MAPK10: variants seen among roughly 807,000 people sequenced by gnomAD.
MAPK10 encodes the protein mitogen-activated protein kinase 10.
In MAPK10, 25 loss-of-function variants were observed where a neutral mutation model predicts 59.3. The ratio of observed to expected loss-of-function variants is 0.42; its 90% CI spans 0.31 to 0.59. The LOEUF (loss-of-function observed/expected upper bound fraction) is 0.59, where lower values mean the gene tolerates loss of function less well. Among genes scored for constraint, MAPK10 ranks in the 20% least tolerant of loss-of-function variants. The pLI is 0.15. For synonymous variants in MAPK10, 190 were observed against 200.5 expected (o/e 0.95, Z 0.44); for missense variants, 351 against 568.9 (o/e 0.62, Z 3.90).
intron 2 of MAPK10, among the ~76,000 whole-genome samples, chr4:86,333,301 A>C (rs183033293): frequency 2.0e-5 from 3 of 152,230 alleles, no homozygotes; most frequent in Admixed American, 6.5e-5. Context: ...TCCTCTCATA[A>C]AGAACCCCTC....
rs578038505 is a variant in MAPK10 at position 86,117,062 on chromosome 4, C to T, written c.237-9710G>A. ...ATGACCACATTTTTCAAGTATATCC[C>T]ATGACATCATAAAATACATCTTCCA... is the stretch of plus-strand genomic sequence containing the variant. On this transcript the variant is annotated intron_variant, in intron 4 of 13. Coordinates refer to ENST00000641462, the MANE Select transcript of MAPK10 (RefSeq NM_138982.4). Among the ~76,000 whole-genome samples, 39 of 152,268 alleles carry T rather than the reference C, an allele frequency of 2.6e-4. No individual in the cohort carries two copies. In the South Asian group the frequency reaches 8.1e-3, roughly 32 times the overall value.
At chr4:86,217,558 C>G (rs772221751) in intron 2 of MAPK10, among the ~76,000 whole-genome samples, 3 of 152,140 alleles carry the variant, frequency 2.0e-5, no homozygotes, top group Admixed American at 6.5e-5. Context: ...GCAAGAAACC[C>G]TATATACCAT....
chr4:86,214,553 C>T (rs1210600892), intron 2 of MAPK10, among the ~76,000 whole-genome samples: 1 of 90,872 alleles, frequency 1.1e-5, no homozygotes, highest in African/African-American at 3.7e-5. Context: ...AACTGATAAA[C>T]AGATTCAGCA....
chr4:86,328,656 G>C (rs2096079007), intron 2 of MAPK10, among the ~76,000 whole-genome samples: 1 of 152,188 alleles, frequency 6.6e-6, no homozygotes, highest in Non-Finnish European at 1.5e-5. Flanking sequence ...ATACACCGTA[G>C]AATACTATGC....
intron 1 of MAPK10, among the ~76,000 whole-genome samples, chr4:86,365,121 T>C (rs1737628696): frequency 6.6e-6 from 1 of 152,156 alleles, no homozygotes; most frequent in Non-Finnish European, 1.5e-5. Flanking sequence ...CTTACCGTAT[T>C]GTATTTTGTA....
At chr4:86,495,188 G>A (rs1353316202) in intron 1 of MAPK10, among the ~76,000 whole-genome samples, 2 of 152,172 alleles carry the variant, frequency 1.3e-5, no homozygotes, top group East Asian at 1.9e-4. Flanking sequence ...ATAAAACAAT[G>A]ATGTTTAATG....
At chr4:86,323,376 G>A (rs2095945921) in intron 2 of MAPK10, among the ~76,000 whole-genome samples, 1 of 152,140 alleles carries the variant, frequency 6.6e-6, no homozygotes, top group African/African-American at 2.4e-5. Flanking sequence ...GCACAAATCT[G>A]ACATCAATTA....
chr4:86,478,485 A>C (rs919950112), intron 1 of MAPK10, among the ~76,000 whole-genome samples: 5 of 152,174 alleles, frequency 3.3e-5, no homozygotes, highest in Non-Finnish European at 5.9e-5. Flanking sequence ...TTAAAATTAC[A>C]AACTATGCTC....
chr4:86,093,062 A>AT (rs1481528964), intron 9 of MAPK10, among the ~76,000 whole-genome samples: 2 of 152,068 alleles, frequency 1.3e-5, no homozygotes, highest in Non-Finnish European at 2.9e-5. Context: ...CTTATAATAA[A>AT]TTATCTTTCT....
chr4:86,107,423 G>A, intron 4 of MAPK10, 71 bp from the exon 5 acceptor site: 1 of 1,547,720 alleles, frequency 6.5e-7, no homozygotes, highest in Non-Finnish European at 8.7e-7. Context: ...ACTTGATTAA[G>A]GATACTGGTA....
At chr4:86,181,179 A>C in intron 3 of MAPK10, among the ~76,000 whole-genome samples, 1 of 152,236 alleles carries the variant, frequency 6.6e-6, no homozygotes, top group East Asian at 1.9e-4. Context: ...AAACTAATAA[A>C]TTAGAAAAAT....
intron 10 of MAPK10, chr4:86,065,502 A>G (rs1242140430): frequency 6.6e-6 from 1 of 152,232 alleles, no homozygotes; most frequent in Non-Finnish European, 1.5e-5. Context: ...AGATTGTTAA[A>G]AGACACATTA....
In MAPK10 at chr4:86,354,642, AG is replaced by A; in HGVS notation, c.-120del. 1 of 1,196,902 alleles carries A rather than the reference AG, an allele frequency of 8.4e-7. No homozygotes were observed. The highest frequency in any genetic ancestry group is 1.6e-5 in the African/African-American group (1 of 63,880). 74.1% of individuals were successfully genotyped at this position (1,196,902 alleles called of 1,614,324 possible). On this transcript the variant is annotated splice_region_variant and 5_prime_UTR_variant, in exon 2 of 14. The change creates a premature stop within an existing upstream ORF in the 5' untranslated region. Coordinates refer to ENST00000641462, the MANE Select transcript of MAPK10 (RefSeq NM_138982.4). The stretch of plus-strand genomic sequence containing the variant: ...GCCTGCTGTTGGTGTTTCTCACACT[AG>A]CCTGAAAGCAAAGCCAAAAAACAGA...
At chr4:86,069,582 G>A (rs1561262968) in intron 9 of MAPK10, among the ~76,000 whole-genome samples, 3 of 152,118 alleles carry the variant, frequency 2.0e-5, no homozygotes, top group Non-Finnish European at 1.5e-5. Flanking sequence ...TAAGCTATAA[G>A]TACTTAGACA....
chr4:86,167,388 T>TA (rs1353426186), intron 3 of MAPK10, among the ~76,000 whole-genome samples: 1 of 152,168 alleles, frequency 6.6e-6, no homozygotes, highest in Non-Finnish European at 1.5e-5. Flanking sequence ...ATCATCCTGA[T>TA]ACCAAAATCT....
At chr4:86,588,864 T>A (rs1323623389) in intron 1 of MAPK10, among the ~76,000 whole-genome samples, 1 of 152,208 alleles carries the variant, frequency 6.6e-6, no homozygotes, top group Non-Finnish European at 1.5e-5. Context: ...ATAAATTCAC[T>A]CATACCTCCT....
intron 1 of MAPK10, among the ~76,000 whole-genome samples, chr4:86,386,059 T>C (rs890750808): frequency 6.6e-6 from 1 of 152,202 alleles, no homozygotes; most frequent in Admixed American, 6.5e-5. Context: ...TACAAAAGAA[T>C]TGCATCCTTC....
At chr4:86,340,368 G>T in intron 2 of MAPK10, 1 of 153,324 alleles carries the variant, frequency 6.5e-6, no homozygotes, top group South Asian at 2.0e-4. Context: ...AAGCATGGCT[G>T]GGAGGCCTCA....
intron 1 of MAPK10, among the ~76,000 whole-genome samples, chr4:86,391,728 A>G (rs779817785): frequency 1.1e-4 from 16 of 152,184 alleles, no homozygotes; most frequent in Non-Finnish European, 1.3e-4. Context: ...ATCACTTGTT[A>G]GCATGAGGAG....
Sources: allele counts gnomAD v4.1 joint callset (sites outside exome capture counted in the v4.1 genomes callset), GRCh38; gene constraint gnomAD v4.1.1; transcripts MANE v1.5; gene names NCBI Gene and HGNC (gene_info 2026-07-23, HGNC 2026-07-21).